JAK2: variants seen among roughly 807,000 people sequenced by gnomAD.
The protein encoded by JAK2 is tyrosine-protein kinase JAK2.
Under a neutral mutation model 139.3 loss-of-function variants are expected in JAK2, and 86 were observed. The observed-to-expected ratio is 0.62, with a 90% CI of 0.52 to 0.74. The LOEUF (loss-of-function observed/expected upper bound fraction) is 0.74. JAK2 is among the 30% of genes least tolerant of loss of function. JAK2 has a pLI of 0.00. For missense variants in JAK2, 1,421 were observed against 1,360.3 expected (o/e 1.04, Z -0.70); for synonymous variants, 490 against 437.7 (o/e 1.12, Z -1.49).
chr9:5,006,600 A>AG (rs1263936972), intron 2 of JAK2, among the ~76,000 whole-genome samples: 1 of 152,176 alleles, frequency 6.6e-6, no homozygotes, highest in Non-Finnish European at 1.5e-5. Context: ...TAGAAGGTGA[A>AG]GGGGAAAAAA....
At chr9:5,037,108 G>A (rs1327823965) in intron 4 of JAK2, among the ~76,000 whole-genome samples, 2 of 152,184 alleles carry the variant, frequency 1.3e-5, no homozygotes, top group Non-Finnish European at 2.9e-5. Flanking sequence ...ATGAAAAAAT[G>A]CTCATCACCA....
Position 5,048,625 on chromosome 9 carries a change from G to C in JAK2, c.469-2061G>C, listed in dbSNP as rs531850318. Among the ~76,000 whole-genome samples the C allele has an allele frequency of 6.6e-5, 10 of 152,114 alleles. No individual in the cohort carries two copies. The South Asian group carries it at 1.7e-3, about 25-fold the overall frequency. ...TTAATTTTGTATTAGCAACGTTTAG[G>C]CCTTTGTTTTGGGTGATACTGATTA... On this transcript the variant is annotated intron_variant, in intron 5 of 24. Coordinates refer to ENST00000381652, the MANE Select transcript of JAK2 (RefSeq NM_004972.4).
intron 2 of JAK2, among the ~76,000 whole-genome samples, chr9:4,994,012 G>A (rs574294070): frequency 6.6e-6 from 1 of 152,318 alleles, no homozygotes; most frequent in Non-Finnish European, 1.5e-5. Context: ...TTCCCACCTT[G>A]TGCCTTGAGT....
chr9:5,066,584 T>C, intron 9 of JAK2, 94 bp from the exon 10 acceptor site: 1 of 732,532 alleles, frequency 1.4e-6, no homozygotes, highest in East Asian at 2.7e-5. Flanking sequence ...ATTCTGACAG[T>C]TTTAGATTTG....
chr9:5,036,926 A>T (rs1158736230), intron 4 of JAK2, among the ~76,000 whole-genome samples: 1 of 152,230 alleles, frequency 6.6e-6, no homozygotes, highest in Non-Finnish European at 1.5e-5. Context: ...TGAACAGGCA[A>T]CCTACAGAAT....
At chr9:5,000,233 C>T (rs924899541) in intron 2 of JAK2, among the ~76,000 whole-genome samples, 26 of 151,496 alleles carry the variant, frequency 1.7e-4, no homozygotes, top group African/African-American at 6.1e-4. Flanking sequence ...TATCATTTTT[C>T]ACTTAGATGT....
intron 22 of JAK2, among the ~76,000 whole-genome samples, chr9:5,092,953 G>C (rs12000084): frequency 2.0e-5 from 3 of 152,100 alleles, no homozygotes; most frequent in Admixed American, 1.3e-4. Context: ...AAATAACATC[G>C]CCATAGTTGG....
rs139964957 is a variant in JAK2, at chr9:5,128,080, T to TTG, written c.*1329_*1330dup. On this transcript the variant is annotated 3_prime_UTR_variant, in exon 25 of 25. Coordinates refer to ENST00000381652, the MANE Select transcript of JAK2 (RefSeq NM_004972.4). ...TAGCTAAAATAAAATATGGTGGGTT[T>TTG]TGTGTGTGTGTGTGTGTGTGTGTGT... The TTG allele has an allele frequency of 0.015, 3,392 of 224,570 alleles. 44 individuals are homozygous for TTG. The highest frequency in any genetic ancestry group is 0.054 in the African/African-American group (2,312 of 43,190). The allele number at this position is 224,570 out of a possible 1,614,324, so 13.9% of individuals were successfully genotyped here.
At chr9:5,052,049 G>A (rs1304877944) in intron 6 of JAK2, among the ~76,000 whole-genome samples, 1 of 152,094 alleles carries the variant, frequency 6.6e-6, no homozygotes, top group Non-Finnish European at 1.5e-5. Context: ...CATAGTTGGA[G>A]GAAGAGTATC....
chr9:4,996,177 G>A (rs2129774617), intron 2 of JAK2, among the ~76,000 whole-genome samples: 1 of 152,142 alleles, frequency 6.6e-6, no homozygotes, highest in African/African-American at 2.4e-5. Context: ...TATTTTAGAG[G>A]GTCAAATTTA....
At chr9:5,087,838 A>G (rs1820253337) in intron 19 of JAK2, among the ~76,000 whole-genome samples, 1 of 152,236 alleles carries the variant, frequency 6.6e-6, no homozygotes, top group Non-Finnish European at 1.5e-5. Flanking sequence ...ATTTATTTAT[A>G]AGAATATTAT....
In JAK2 at chr9:5,122,528, G is replaced by C. The variant is rs138559330; in HGVS notation, c.3060-476G>C. 1.6e-4 allele frequency among the ~76,000 whole-genome samples: 25 copies of C among 152,142 alleles called. 1 individual carries two copies. The East Asian group carries it at 4.8e-3, about 29-fold the overall frequency. ...AGTTAACCTTGGTGCTGTCTACAGA[G>C]ACAAAAATAAATTTCTTTGGATTTT... is the stretch of plus-strand genomic sequence containing the variant. On this transcript the variant is annotated intron_variant, in intron 22 of 24. Transcript: ENST00000381652.
chr9:5,085,008 G>T, intron 19 of JAK2: 1 of 845,326 alleles, frequency 1.2e-6, no homozygotes, highest in Admixed American at 1.8e-5. Flanking sequence ...TTTATGTCTT[G>T]TGAGTACAAT....
chr9:5,080,380 A>T lies in JAK2; in HGVS notation c.2283A>T (p.Arg761Ser). Residue 761 changes from arginine to serine, a missense_variant and splice_region_variant, in exon 17 of 25, where the codon AGA becomes AGT. By Grantham distance (110) the Arg-to-Ser change is moderately radical (BLOSUM62 -1). Coordinates refer to ENST00000381652, the MANE Select transcript of JAK2 (RefSeq NM_004972.4). The part of the protein sequence containing the change: ...DKPLSALDSQ[R>S]KLQFYEDRHQ... ...CTCTAAGTGCTCTGGATTCTCAAAG[A>T]GTAAGTTTATATAGACTAAGTTAGA... The T allele has an allele frequency of 6.2e-7, 1 of 1,610,832 alleles. No homozygotes were observed. The highest frequency in any genetic ancestry group is 1.1e-5 in the South Asian group (1 of 90,520).
At chr9:5,099,272 A>G (rs945496933) in intron 22 of JAK2, 1 of 152,182 alleles carries the variant, frequency 6.6e-6, no homozygotes, top group African/African-American at 2.4e-5. Flanking sequence ...TTTTATACCT[A>G]TTGTCCTAGA....
chr9:5,059,255 C>G (rs139134551), intron 8 of JAK2, among the ~76,000 whole-genome samples: 1 of 152,238 alleles, frequency 6.6e-6, no homozygotes, highest in African/African-American at 2.4e-5. Flanking sequence ...ACTTAAGATA[C>G]CTATCATCTA....
intron 4 of JAK2, among the ~76,000 whole-genome samples, chr9:5,037,364 C>T (rs1228248460): frequency 1.3e-5 from 2 of 152,098 alleles, no homozygotes; most frequent in African/African-American, 4.8e-5. Context: ...TGGGTATATA[C>T]CCAAAGGATT....
At chr9:5,026,954 G>T (rs1445755683) in intron 3 of JAK2, among the ~76,000 whole-genome samples, 1 of 152,140 alleles carries the variant, frequency 6.6e-6, no homozygotes, top group East Asian at 1.9e-4. Flanking sequence ...AATGTATTGT[G>T]TAAAACTTGA....
At chr9:5,075,738 A>G (rs1208061715) in intron 14 of JAK2, among the ~76,000 whole-genome samples, 1 of 152,232 alleles carries the variant, frequency 6.6e-6, no homozygotes, top group East Asian at 1.9e-4. Context: ...TCCATTCTGT[A>G]GCCCATGGAT....
Sources: gnomAD v4.1 joint callset for allele counts (sites outside exome capture counted in the v4.1 genomes callset) on GRCh38, gnomAD v4.1.1 for gene constraint, MANE v1.5 for transcripts, NCBI Gene and HGNC (gene_info 2026-07-23, HGNC 2026-07-21) for gene names.